The following ZBTB21 variants were observed in gnomAD, a reference collection of about 807,000 sequenced individuals.
ZBTB21 encodes the protein zinc finger and BTB domain containing 21.
A neutral mutation model predicts 39.8 loss-of-function variants in ZBTB21; 10 were observed. The ratio of observed to expected loss-of-function variants is 0.25; its 90% CI spans 0.16 to 0.43. ZBTB21 has a LOEUF of 0.43. Ranked by LOEUF, ZBTB21 falls within the 20% of genes least tolerant of loss-of-function variation. The probability of loss-of-function intolerance (pLI) is 1.00; values close to 1 mark genes in which losing one functional copy is unlikely to be tolerated. For missense variants in ZBTB21, 1,221 were observed against 1,296.3 expected, an observed-to-expected ratio of 0.94 and a Z score of 0.89; for synonymous variants, 551 against 498.8, an observed-to-expected ratio of 1.10 and a Z score of -1.40.
In ZBTB21 at chr21:41,992,359, G is replaced by A. The variant is rs779238448; in HGVS notation, c.1737C>T (p.Ile579=). The A allele has an allele frequency of 7.4e-6, 12 of 1,614,234 alleles. No individual in the cohort carries two copies. Among genetic ancestry groups the A allele is most frequent in the Non-Finnish European group, 1.0e-5 (12 of 1,180,040 alleles). ...AGTTGGTGTGAAACCTCTTGTGACA[G>A]ATGTCACAAGCGTAGGGCTTTTCTG... The part of the protein sequence containing the change: ...HNPEKPYACD[I]CHKRFHTNFK... Residue 579 remains isoleucine, a synonymous_variant, in exon 3 of 3, where the codon ATC becomes ATT. Coordinates refer to ENST00000310826, the MANE Select transcript of ZBTB21 (RefSeq NM_001098402.2). This position sits in a 1 kb window ranked among gnomAD's most constrained non-coding sequence, Gnocchi z 4.1.
chr21:41,990,904 T>G lies in ZBTB21; in HGVS notation c.3192A>C (p.Thr1064=). ...TAFSLWSHEQ[T]HN ...AAAAAGTGTTGGTCTTTCAATTGTG[T>G]GTTTGTTCGTGACTCCAAAGACTAA... The change falls in exon 3 of 3, where the codon ACA becomes ACC. Residue 1064 remains threonine, a synonymous_variant. Coordinates refer to ENST00000310826, the MANE Select transcript of ZBTB21 (RefSeq NM_001098402.2). 1 of 1,469,762 alleles carries G rather than the reference T, an allele frequency of 6.8e-7. No individual in the cohort carries two copies. The highest frequency in any genetic ancestry group is 9.0e-7 in the Non-Finnish European group (1 of 1,111,612). The allele number at this position is 1,469,762 out of a possible 1,614,324, so 91.0% of individuals were successfully genotyped here.
rs778776766 is a variant in ZBTB21 at position 41,991,147 on chromosome 21, A to G, written c.2949T>C (p.Ser983=). 1 of 1,613,940 alleles carries G rather than the reference A, an allele frequency of 6.2e-7. No homozygotes were observed. The highest frequency in any genetic ancestry group is 8.5e-7 in the Non-Finnish European group (1 of 1,179,968). The change falls in exon 3 of 3, where the codon TCT becomes TCC. Residue 983 remains serine (S), a synonymous_variant. Coordinates refer to ENST00000310826, the MANE Select transcript of ZBTB21 (RefSeq NM_001098402.2). The surrounding 1 kb of genome is among the most constrained non-coding windows in gnomAD (Gnocchi z 4.9). Reference sequence around the variant, plus strand: ...GTGGTGGCGGTGGCAGAGGTGGTGGAGAGGGAGAGTTTGTGGGAACAGGGC... The same window carrying G: ...GTGGTGGCGGTGGCAGAGGTGGTGGGGAGGGAGAGTTTGTGGGAACAGGGC... ...EVCPVPTNSP[S]PPPLPPPPPL... is the part of the protein sequence containing the mutation.
intron 1 of ZBTB21, among the ~76,000 whole-genome samples, chr21:42,007,493 A>G (rs550487164): frequency 8.6e-5 from 13 of 152,034 alleles, no homozygotes; most frequent in Admixed American, 7.9e-4. Flanking sequence ...CTGCCACCCA[A>G]AATCTCTCTC....
chr21:41,997,805 A>G (rs2065768427), intron 2 of ZBTB21, among the ~76,000 whole-genome samples: 1 of 152,094 alleles, frequency 6.6e-6, no homozygotes, highest in Admixed American at 6.6e-5. Flanking sequence ...AAACATGAGA[A>G]GAGGAGGCCT....
At chr21:41,997,442 G>A (rs1225177884) in intron 2 of ZBTB21, among the ~76,000 whole-genome samples, 5 of 151,932 alleles carry the variant, frequency 3.3e-5, no homozygotes, top group Non-Finnish European at 7.4e-5. Context: ...CGAGGGTGGT[G>A]GCATGTGCCT....
intron 1 of ZBTB21, among the ~76,000 whole-genome samples, chr21:42,004,996 A>G (rs904301755): frequency 2.6e-5 from 4 of 152,192 alleles, no homozygotes; most frequent in African/African-American, 7.2e-5. Context: ...AGCTTATCCA[A>G]TCCTTCAAGA....
intron 2 of ZBTB21, among the ~76,000 whole-genome samples, chr21:41,994,830 A>T (rs552622784): frequency 6.6e-6 from 1 of 151,324 alleles, no homozygotes; most frequent in African/African-American, 2.4e-5. Flanking sequence ...ACGTCGTGGG[A>T]GGGACCCAGT....
chr21:41,995,731 C>T (rs1191445781), intron 2 of ZBTB21, among the ~76,000 whole-genome samples: 1 of 152,250 alleles, frequency 6.6e-6, no homozygotes, highest in Admixed American at 6.5e-5. Context: ...TGCAGCAGCC[C>T]CTTCCATCAC....
intron 2 of ZBTB21, among the ~76,000 whole-genome samples, chr21:41,994,575 G>C (rs1033478986): frequency 1.3e-5 from 2 of 152,152 alleles, no homozygotes; most frequent in South Asian, 4.2e-4. Context: ...TTAACAATTG[G>C]TTGCAAAGCA....
intron 2 of ZBTB21, among the ~76,000 whole-genome samples, chr21:41,998,509 A>C (rs2065779183): frequency 6.6e-6 from 1 of 152,156 alleles, no homozygotes; most frequent in Non-Finnish European, 1.5e-5. Context: ...TCATTTTATA[A>C]TGCCATATTT....
chr21:42,001,496 T>C (rs2065817282), intron 2 of ZBTB21, among the ~76,000 whole-genome samples: 1 of 152,212 alleles, frequency 6.6e-6, no homozygotes, highest in Non-Finnish European at 1.5e-5. Context: ...TAGTCCAGTA[T>C]GCTGAGCAGC....
chr21:41,989,483 T>A lies in ZBTB21; in HGVS notation c.*1412A>T, dbSNP rs1010044079. 1 of 152,170 alleles carries A rather than the reference T, an allele frequency of 6.6e-6. No individual in the cohort carries two copies. Among genetic ancestry groups the A allele is most frequent in the Non-Finnish European group, 1.5e-5 (1 of 68,000 alleles). 9.4% of individuals were successfully genotyped at this position (152,170 alleles called of 1,614,324 possible). A position where few individuals can be genotyped will look rare whatever the true frequency, so the allele number is the denominator to read the frequency against. ...GTATTACTTTCTTAAAAGGATTTTG[T>A]AGTTTCGTTTTTTTAATACATCTAA... On this transcript the variant is annotated 3_prime_UTR_variant, in exon 3 of 3. Coordinates refer to ENST00000310826, the MANE Select transcript of ZBTB21 (RefSeq NM_001098402.2).
At position 41,991,005 on chromosome 21, in the gene ZBTB21, C is replaced by A. The variant is rs748116197; in HGVS notation, c.3091G>T (p.Ala1031Ser). 6.4e-7 allele frequency: 1 copy of A among 1,562,792 alleles called. No homozygotes were observed. The highest frequency in any genetic ancestry group is 1.2e-5 in the South Asian group (1 of 81,598). Reference protein sequence around the residue: ...PQESDTLFYHAPPLSAITFKR... With the variant: ...PQESDTLFYHSPPLSAITFKR... The stretch of plus-strand genomic sequence containing the variant: ...AATGTGATTGCTGAAAGGGGTGGGG[C>A]ATGGTAAAAAAGGGTGTCTGATTCT... The change falls in exon 3 of 3, where the codon GCC (alanine) becomes TCC (serine). Residue 1031 changes from alanine (A) to serine (S), a missense_variant. This residue lies in a region of ZBTB21 where 523 missense variants were observed against 542.5 expected (regional missense o/e 0.96). Transcript: ENST00000310826. The surrounding 1 kb of genome is among the most constrained non-coding windows in gnomAD (Gnocchi z 4.9).
chr21:41,987,445 A>C lies in ZBTB21; in HGVS notation c.*3450T>G, dbSNP rs554667127. ...GTGCTAAAACCACAAAAAGCCATAA[A>C]TGAAAACCTATTTTTTAAAACTTAA... On this transcript the variant is annotated 3_prime_UTR_variant, in exon 3 of 3. Coordinates refer to ENST00000310826, the MANE Select transcript of ZBTB21 (RefSeq NM_001098402.2). 2.0e-5 allele frequency: 3 copies of C among 152,366 alleles called. No individual in the cohort carries two copies. In the South Asian group the frequency reaches 6.2e-4, roughly 32 times the overall value. 9.4% of individuals were successfully genotyped at this position (152,366 alleles called of 1,614,324 possible).
rs768986339 is a variant in ZBTB21, at chr21:41,992,177, C to T, written c.1919G>A (p.Arg640Lys). The T allele has an allele frequency of 6.2e-7, 1 of 1,614,174 alleles. No individual in the cohort carries two copies. Among genetic ancestry groups the T allele is most frequent in the Non-Finnish European group, 8.5e-7 (1 of 1,180,030 alleles). The change falls in exon 3 of 3, where the codon AGG becomes AAG. Residue 640 changes from arginine (R) to lysine (K), a missense_variant. By Grantham distance (26) the Arg-to-Lys change is conservative. This residue lies in a region of ZBTB21 where 523 missense variants were observed against 542.5 expected (regional missense o/e 0.96). Coordinates refer to ENST00000310826, the MANE Select transcript of ZBTB21 (RefSeq NM_001098402.2). The surrounding 1 kb of genome is among the most constrained non-coding windows in gnomAD (Gnocchi z 4.1). The part of the protein sequence containing the change: ...EIKKALIIKL[R>K]RGKPGFQGQS... Reference sequence around the variant, plus strand: ...TCCCTGAAAACCAGGCTTGCCGCGCCTTAACTTAATGATCAGGGCCTTCTT... The same window carrying T: ...TCCCTGAAAACCAGGCTTGCCGCGCTTTAACTTAATGATCAGGGCCTTCTT...
chr21:42,009,840 C>T (rs894389479), intron 1 of ZBTB21, among the ~76,000 whole-genome samples: 4 of 152,138 alleles, frequency 2.6e-5, no homozygotes, highest in Non-Finnish European at 4.4e-5. Context: ...AACCCCTGCC[C>T]GGAACAGGAG....
chr21:42,006,441 AAAAT>A lies in ZBTB21; in HGVS notation c.-78-3484_-78-3481del, dbSNP rs199707477. Among the ~76,000 whole-genome samples, 359 of 152,138 alleles carry A rather than the reference AAAAT, an allele frequency of 2.4e-3. 3 individuals are homozygous for A. The highest frequency in any genetic ancestry group is 8.3e-3 in the African/African-American group (343 of 41,484). ...GAAACTCCGTCTCAAAAAAAAAAAA[AAAAT>A]TTTTTTTTCTTTCCCTTAGTTATTC... On this transcript the variant is annotated intron_variant, in intron 1 of 2. Transcript: ENST00000310826.
chr21:42,008,435 T>C (rs1272026154), intron 1 of ZBTB21, among the ~76,000 whole-genome samples: 5 of 148,736 alleles, frequency 3.4e-5, no homozygotes, highest in Non-Finnish European at 7.4e-5. Flanking sequence ...GGAGAATCGC[T>C]TGAACCAGGG....
chr21:41,993,977 T>C lies in ZBTB21; in HGVS notation c.119A>G (p.Lys40Arg). Reference sequence around the variant, plus strand: ...CAAGACGTTTTTATGAGCTCGGAACTTTTGGTCTCCAACAATCAGCAGCAC... The same window carrying C: ...CAAGACGTTTTTATGAGCTCGGAACCTTTGGTCTCCAACAATCAGCAGCAC... ...CDVLLIVGDQKFRAHKNVLAA... is the reference protein window; with the variant it reads ...CDVLLIVGDQRFRAHKNVLAA... Residue 40 changes from lysine (K) to arginine (R), a missense_variant, in exon 3 of 3, where the codon AAG becomes AGG. Transcript: ENST00000310826. 1 of 1,614,268 alleles carries C rather than the reference T, an allele frequency of 6.2e-7. No individual in the cohort carries two copies. The highest frequency in any genetic ancestry group is 8.5e-7 in the Non-Finnish European group (1 of 1,180,050).
Sources: allele counts gnomAD v4.1 joint callset (sites outside exome capture counted in the v4.1 genomes callset), GRCh38; gene constraint gnomAD v4.1.1; regional missense constraint gnomAD v4.1.1; non-coding constraint Gnocchi (gnomAD v3.1); transcripts MANE v1.5; gene names NCBI Gene and HGNC (gene_info 2026-07-23, HGNC 2026-07-21).